Variants in CAT observed in about 807,000 individuals in gnomAD.
CAT encodes epididymis secretory sperm binding protein.
CAT carries 43 observed loss-of-function variants against 59.0 expected under a neutral mutation model. The observed-to-expected ratio is 0.73, with a 90% confidence interval of 0.57 to 0.94. The LOEUF (loss-of-function observed/expected upper bound fraction) is 0.94, where lower values mean the gene tolerates loss of function less well. CAT is among the 40% of genes least tolerant of loss of function. The probability of loss-of-function intolerance (pLI) is 0.00; values close to 1 mark genes in which losing one functional copy is unlikely to be tolerated. For missense variants in CAT, 664 were observed against 682.9 expected (o/e 0.97, Z 0.31); for synonymous variants, 218 against 230.9 (o/e 0.94, Z 0.51).
chr11:34,439,084 ACT>A lies in CAT; in HGVS notation c.66+8_66+9del. On this transcript the variant is annotated splice_donor_region_variant and intron_variant, in intron 1 of 12. Transcript: ENST00000241052. The stretch of plus-strand genomic sequence containing the variant: ...AAGGAGCAGCGGGCCGCGCAGGTAC[ACT>A]CTGTGCTCCCCGAGCGGGCCCGAAG... 6.3e-7 allele frequency: 1 copy of A among 1,583,428 alleles called. No homozygotes were observed. Among genetic ancestry groups the A allele is most frequent in the South Asian group, 1.1e-5 (1 of 87,388 alleles).
chr11:34,459,467 CAT>C (rs1200682600), intron 8 of CAT, among the ~76,000 whole-genome samples: 1 of 152,198 alleles, frequency 6.6e-6, no homozygotes, highest in African/African-American at 2.4e-5. Flanking sequence ...TAATACAAGT[CAT>C]AGAGAGACTG....
intron 11 of CAT, among the ~76,000 whole-genome samples, chr11:34,468,859 C>T (rs2133860571): frequency 6.6e-6 from 1 of 152,308 alleles, no homozygotes; most frequent in East Asian, 1.9e-4. Context: ...CCAGCCTGGA[C>T]AACATAGGGA....
At chr11:34,454,772 T>A (rs948285426) in intron 6 of CAT, among the ~76,000 whole-genome samples, 2 of 152,220 alleles carry the variant, frequency 1.3e-5, no homozygotes, top group Non-Finnish European at 2.9e-5. Context: ...TTACTTAGAA[T>A]AAGACTAAGT....
intron 8 of CAT, among the ~76,000 whole-genome samples, chr11:34,459,089 T>C (rs931302418): frequency 7.2e-5 from 11 of 152,144 alleles, no homozygotes; most frequent in African/African-American, 2.7e-4. Context: ...AGCCTAGCTT[T>C]CCCCCATCCT....
chr11:34,468,231 T>C, intron 10 of CAT, 57 bp from the exon 11 acceptor site: 1 of 1,208,432 alleles, frequency 8.3e-7, no homozygotes, highest in Non-Finnish European at 1.2e-6. Context: ...GTAGGTGAAT[T>C]TTGTTGGTGA....
At position 34,453,745 on chromosome 11, in the gene CAT, C is replaced by A. The variant is rs2266628; in HGVS notation, c.586-56C>A. The stretch of plus-strand genomic sequence containing the variant: ...GGAAACTAAGGAATATCTTAAAAAT[C>A]AAGGATGTTTTGATTTAAATGAAAA... On this transcript the variant is annotated intron_variant, in intron 5 of 12. Coordinates refer to ENST00000241052, the MANE Select transcript of CAT (RefSeq NM_001752.4). 89 of 1,535,798 alleles carry A rather than the reference C, an allele frequency of 5.8e-5. No individual in the cohort carries two copies. In the African/African-American group the frequency reaches 1.1e-3, roughly 19 times the overall value.
chr11:34,461,514 CCAGGTGCTGCT>C (rs1856651878), intron 9 of CAT, 125 bp downstream of exon 9: 1 of 1,135,848 alleles, frequency 8.8e-7, no homozygotes, highest in African/African-American at 1.5e-5. Flanking sequence ...AAGGTGCTCC[CCAGGTGCTGCT>C]AACTGGGCGC....
chr11:34,460,094 A>T (rs1367918058), intron 8 of CAT, among the ~76,000 whole-genome samples: 6 of 152,232 alleles, frequency 3.9e-5, no homozygotes, highest in African/African-American at 1.4e-4. Context: ...AGAATTAGGG[A>T]TATAAAAATA....
At chr11:34,461,556 A>C (rs1029365523) in intron 9 of CAT, among the ~76,000 whole-genome samples, 167 bp downstream of exon 9, 1 of 152,204 alleles carries the variant, frequency 6.6e-6, no homozygotes, top group African/African-American at 2.4e-5. Context: ...AGCAGTGAAG[A>C]TTTAGGCTGC....
At chr11:34,450,943 T>A (rs765997751) in intron 2 of CAT, 45 bp from the exon 3 acceptor site, 1 of 1,290,678 alleles carries the variant, frequency 7.7e-7, no homozygotes, top group South Asian at 1.2e-5. Flanking sequence ...CCTGAATGTC[T>A]GAGTAATGGT....
At chr11:34,470,591 C>T in intron 11 of CAT, 1 of 328,436 alleles carries the variant, frequency 3.0e-6, no homozygotes, top group South Asian at 2.6e-5. Flanking sequence ...CATGAATCAT[C>T]TTAGTAGTAT....
chr11:34,469,990 G>A (rs1275014381), intron 11 of CAT, among the ~76,000 whole-genome samples: 1 of 151,944 alleles, frequency 6.6e-6, no homozygotes, highest in Non-Finnish European at 1.5e-5. Context: ...TTTTTTCCCC[G>A]ACAATAAGCA....
At chr11:34,441,199 A>G (rs565800686) in intron 1 of CAT, among the ~76,000 whole-genome samples, 163 of 152,344 alleles carry the variant, frequency 1.1e-3, no homozygotes, top group African/African-American at 3.6e-3. Context: ...TATGCCTTAT[A>G]GCCTATATAA....
At position 34,453,792 on chromosome 11, in the gene CAT, G is replaced by A; in HGVS notation, c.586-9G>A. ...AAAACATTTTAGGCTTTATATTTCTGTTCTTTAGGTTTCTTTCTTGTTCAG... is the reference window on the plus strand; with the variant it reads ...AAAACATTTTAGGCTTTATATTTCTATTCTTTAGGTTTCTTTCTTGTTCAG... On this transcript the variant is annotated splice_polypyrimidine_tract_variant and intron_variant, in intron 5 of 12. Coordinates refer to ENST00000241052, the MANE Select transcript of CAT (RefSeq NM_001752.4). 1 of 1,611,970 alleles carries A rather than the reference G, an allele frequency of 6.2e-7. No homozygotes were observed. The highest frequency in any genetic ancestry group is 8.5e-7 in the Non-Finnish European group (1 of 1,178,154).
intron 12 of CAT, 21 bp downstream of exon 12, chr11:34,471,062 C>T: frequency 1.3e-6 from 2 of 1,597,380 alleles, no homozygotes; most frequent in Non-Finnish European, 1.7e-6. Context: ...AGCAGCCTGG[C>T]CATGCAGAGG....
At chr11:34,456,844 G>C in intron 8 of CAT, 27 bp downstream of exon 8, 1 of 1,613,364 alleles carries the variant, frequency 6.2e-7, no homozygotes, top group Non-Finnish European at 8.5e-7. Context: ...GAGATGTTCT[G>C]AGGCAGGTGT....
At chr11:34,447,321 G>T (rs1317019679) in intron 1 of CAT, among the ~76,000 whole-genome samples, 1 of 152,094 alleles carries the variant, frequency 6.6e-6, no homozygotes, top group African/African-American at 2.4e-5. Context: ...TGATTTTAGT[G>T]CATTGCCAAG....
intron 1 of CAT, among the ~76,000 whole-genome samples, chr11:34,448,373 G>A (rs17881224): frequency 2.8e-4 from 42 of 152,318 alleles, no homozygotes; most frequent in African/African-American, 9.6e-4. Context: ...ACACTGCAGA[G>A]GCAGTTGTCT....
intron 12 of CAT, 98 bp downstream of exon 12, chr11:34,471,139 T>C: frequency 9.6e-7 from 1 of 1,041,096 alleles, no homozygotes; most frequent in South Asian, 1.3e-5. Flanking sequence ...GCAGGGGCCA[T>C]TACCTGCCAC....
Sources: allele counts gnomAD v4.1 joint callset (sites outside exome capture counted in the v4.1 genomes callset), GRCh38; gene constraint gnomAD v4.1.1; transcripts MANE v1.5; gene names NCBI Gene and HGNC (gene_info 2026-07-23, HGNC 2026-07-21).